PCDH15: variants seen among roughly 807,000 people sequenced by gnomAD.
PCDH15 encodes protocadherin related 15, also known as protocadherin-15.
A neutral mutation model predicts 178.5 loss-of-function variants in PCDH15; 129 were observed. The ratio of observed to expected loss-of-function variants is 0.72; its 90% CI spans 0.63 to 0.84. PCDH15 has a LOEUF of 0.84. Among genes scored for constraint, PCDH15 ranks in the 40% least tolerant of loss-of-function variants. The pLI is 0.00. For missense variants in PCDH15, 2,230 were observed against 2,099.9 expected, an observed-to-expected ratio of 1.06 and a Z score of -1.21; for synonymous variants, 800 against 732.0, an observed-to-expected ratio of 1.09 and a Z score of -1.50.
intron 2 of PCDH15, among the ~76,000 whole-genome samples, chr10:55,113,988 G>A (rs1164600888): frequency 2.6e-5 from 4 of 151,392 alleles, no homozygotes; most frequent in East Asian, 1.9e-4. Flanking sequence ...TCTCTGTGTC[G>A]CCCAGGCTGG....
chr10:54,314,487 C>T (rs11004217), intron 8 of PCDH15, among the ~76,000 whole-genome samples: 29,004 of 151,928 alleles, frequency 0.19, 3,088 homozygotes, highest in African/African-American at 0.28. Flanking sequence ...AGCAAACCCA[C>T]CCTCTTGTAG....
intron 1 of PCDH15, among the ~76,000 whole-genome samples, chr10:55,170,724 A>T (rs746700863): frequency 9.9e-5 from 15 of 152,036 alleles, no homozygotes; most frequent in Non-Finnish European, 1.8e-4. Context: ...TCCACTAAAA[A>T]TACAAAAATT....
At chr10:54,261,651 CTA>C (rs1043952975) in intron 8 of PCDH15, among the ~76,000 whole-genome samples, 6 of 79,050 alleles carry the variant, frequency 7.6e-5, no homozygotes, top group African/African-American at 1.7e-4. Context: ...TACAAGTATT[CTA>C]TTCTTAACAC....
intron 3 of PCDH15, among the ~76,000 whole-genome samples, chr10:54,505,790 T>C (rs2081118865): frequency 1.3e-5 from 2 of 152,014 alleles, no homozygotes; most frequent in African/African-American, 2.4e-5. Flanking sequence ...GAACTTAAAG[T>C]ATAATAATGA....
At chr10:53,930,748 T>A (rs1194352929) in intron 25 of PCDH15, among the ~76,000 whole-genome samples, 1 of 152,226 alleles carries the variant, frequency 6.6e-6, no homozygotes, top group East Asian at 1.9e-4. Context: ...CACTCTTACG[T>A]TTCTTCCCTA....
At chr10:54,705,924 G>A (rs1188133697) in intron 1 of PCDH15, among the ~76,000 whole-genome samples, 3 of 151,988 alleles carry the variant, frequency 2.0e-5, no homozygotes, top group East Asian at 1.9e-4. Context: ...TGGTATCAAC[G>A]GTACAGTGAA....
intron 20 of PCDH15, among the ~76,000 whole-genome samples, chr10:53,996,928 T>C (rs577754117): frequency 3.5e-4 from 53 of 152,112 alleles, no homozygotes; most frequent in Non-Finnish European, 7.4e-5. Context: ...TTCTTTGATA[T>C]TTGCTTAGAC....
chr10:54,795,873 T>C (rs980360030), intron 1 of PCDH15, among the ~76,000 whole-genome samples: 4 of 151,908 alleles, frequency 2.6e-5, no homozygotes, highest in South Asian at 2.1e-4. Context: ...TATGTTGATG[T>C]CAAGGATGAT....
At chr10:53,818,733 A>AT (rs1366398735) in intron 33 of PCDH15, among the ~76,000 whole-genome samples, 1 of 152,054 alleles carries the variant, frequency 6.6e-6, no homozygotes, top group African/African-American at 2.4e-5. Context: ...TCTATGTGTT[A>AT]TTTTTTAAGC....
At chr10:55,048,530 A>G (rs1326565217) in intron 2 of PCDH15, among the ~76,000 whole-genome samples, 1 of 151,952 alleles carries the variant, frequency 6.6e-6, no homozygotes, top group Non-Finnish European at 1.5e-5. Flanking sequence ...ACACAATATC[A>G]TAACTGAGAA....
At chr10:55,064,649 T>C (rs1177329174) in intron 2 of PCDH15, among the ~76,000 whole-genome samples, 1 of 152,078 alleles carries the variant, frequency 6.6e-6, no homozygotes, top group Non-Finnish European at 1.5e-5. Context: ...GCAGCATATT[T>C]TTCTCAAAAA....
intron 7 of PCDH15, among the ~76,000 whole-genome samples, chr10:54,319,959 C>T (rs2061495172): frequency 6.6e-6 from 1 of 152,116 alleles, no homozygotes; most frequent in Admixed American, 6.6e-5. Flanking sequence ...AATGTAATAA[C>T]TCTGTGGTTC....
At position 54,731,884 on chromosome 10, in the gene PCDH15, T is replaced by C. The variant is rs372690981; in HGVS notation, c.-28-67594A>G. Reference sequence around the variant, plus strand: ...AGAAGAAATAATATCTAGTGTTTGATAGATCAATAGGGTGATTATAGTTTG... The same window carrying C: ...AGAAGAAATAATATCTAGTGTTTGACAGATCAATAGGGTGATTATAGTTTG... On this transcript the variant is annotated intron_variant, in intron 1 of 37. Coordinates refer to ENST00000644397, the MANE Select transcript of PCDH15 (RefSeq NM_001384140.1). Among the ~76,000 whole-genome samples the C allele has an allele frequency of 1.3e-4, 20 of 151,076 alleles. No individual in the cohort carries two copies. In the East Asian group the frequency reaches 1.6e-3, roughly 12 times the overall value.
chr10:54,337,719 A>T, intron 6 of PCDH15, among the ~76,000 whole-genome samples: 1 of 152,182 alleles, frequency 6.6e-6, no homozygotes. Flanking sequence ...GGGGCTTGGA[A>T]ATCAACCAAT....
At chr10:54,914,100 G>T (rs892575924) in intron 2 of PCDH15, among the ~76,000 whole-genome samples, 2 of 152,144 alleles carry the variant, frequency 1.3e-5, no homozygotes, top group African/African-American at 2.4e-5. Flanking sequence ...AATGTGAGAA[G>T]GGTGTGAGAT....
At position 53,806,652 on chromosome 10, in the gene PCDH15, T is replaced by A. The variant is rs1181627885; in HGVS notation, c.5150A>T (p.His1717Leu). ...IKEALEFHSD[H>L]TQSDDEELWM... ...AAGCTCTTCATCATCAGACTGTGTG[T>A]GGTCACTATGAAATTCCAAAGCCTC... The change falls in exon 38 of 38, where the codon CAC becomes CTC. Residue 1717 changes from histidine (H) to leucine (L), a missense_variant. Transcript: ENST00000644397. 6.2e-7 allele frequency: 1 copy of A among 1,613,718 alleles called. No homozygotes were observed. The highest frequency in any genetic ancestry group is 1.3e-5 in the African/African-American group (1 of 74,910).
At chr10:54,425,078 A>G (rs1363991257) in intron 3 of PCDH15, among the ~76,000 whole-genome samples, 37 of 151,884 alleles carry the variant, frequency 2.4e-4, no homozygotes, top group Admixed American at 2.4e-3. Flanking sequence ...TTCAGCATTT[A>G]GGATACCAGA....
chr10:53,940,265 T>C (rs1032677275), intron 24 of PCDH15, among the ~76,000 whole-genome samples: 2 of 152,154 alleles, frequency 1.3e-5, no homozygotes, highest in African/African-American at 4.8e-5. Flanking sequence ...GATTGAGCTA[T>C]GACCTTATTC....
At chr10:54,711,232 G>A (rs1052110825) in intron 1 of PCDH15, among the ~76,000 whole-genome samples, 18 of 151,854 alleles carry the variant, frequency 1.2e-4, no homozygotes, top group Admixed American at 4.6e-4. Flanking sequence ...ATCATTTAAC[G>A]TTTCAAACAA....
Sources: allele counts gnomAD v4.1 joint callset (sites outside exome capture counted in the v4.1 genomes callset), GRCh38; gene constraint gnomAD v4.1.1; transcripts MANE v1.5; gene names NCBI Gene and HGNC (gene_info 2026-07-23, HGNC 2026-07-21).